The following DENND2B variants were observed in gnomAD, a reference collection of about 807,000 sequenced individuals.
The protein encoded by DENND2B is DENN domain containing 2B.
Under a neutral mutation model 116.0 loss-of-function variants are expected in DENND2B, and 32 were observed. The ratio of observed to expected loss-of-function variants is 0.28; its 90% CI spans 0.21 to 0.37. The LOEUF is 0.37. Among genes scored for constraint, DENND2B ranks in the 10% least tolerant of loss-of-function variants. DENND2B has a pLI of 1.00. For missense variants in DENND2B, 1,276 were observed against 1,477.7 expected (o/e 0.86, Z 2.24); for synonymous variants, 588 against 583.9 (o/e 1.01, Z -0.10).
chr11:8,727,204 C>CCT (rs2047221320), intron 3 of DENND2B, among the ~76,000 whole-genome samples: 1 of 152,188 alleles, frequency 6.6e-6, no homozygotes, highest in Admixed American at 6.6e-5. Flanking sequence ...CCCATGAACA[C>CCT]CTCCCTCTTC....
At chr11:8,774,028 CTTCAGT>C (rs2057299398) in intron 1 of DENND2B, 1 of 862,812 alleles carries the variant, frequency 1.2e-6, no homozygotes, top group African/African-American at 1.8e-5. Flanking sequence ...CCTCTGTAAG[CTTCAGT>C]TTTCTCATCT....
Position 8,715,719 on chromosome 11 carries a change from C to T in DENND2B, c.1729G>A (p.Asp577Asn), listed in dbSNP as rs151201057. The T allele has an allele frequency of 1.4e-5, 23 of 1,614,096 alleles. No homozygotes were observed. Among genetic ancestry groups the T allele is most frequent in the South Asian group, 2.2e-5 (2 of 91,080 alleles). Residue 577 changes from aspartate to asparagine, a missense_variant, in exon 6 of 20, where the codon GAC becomes AAC. By Grantham distance (23) the Asp-to-Asn change is conservative (BLOSUM62 1). Around this residue, in one of 2 missense-constraint regions of DENND2B, gnomAD observed 856 missense variants for 846.6 expected, o/e 1.01. Transcript: ENST00000313726. ...CTCAGCTGAGCCAGCAGCAGCATGT[C>T]GTCATGGCTGTGCCTCTTGGGTAAT... ...PRLPKRHSHD[D>N]MLLLAQLSLP... is the part of the protein sequence containing the mutation.
At chr11:8,847,363 G>A (rs968391960) in intron 3 of DENND2B, among the ~76,000 whole-genome samples, 21 of 152,084 alleles carry the variant, frequency 1.4e-4, no homozygotes, top group African/African-American at 4.8e-4. Flanking sequence ...AATTACACTC[G>A]CCATTACAAA....
upstream of DENND2B, among the ~76,000 whole-genome samples, chr11:8,873,318 G>A (rs1317643153): frequency 6.6e-6 from 1 of 152,202 alleles, no homozygotes; most frequent in African/African-American, 2.4e-5. Flanking sequence ...CAATGTAAGA[G>A]GGCAATAATT....
chr11:8,714,323 C>G (rs1294556707), intron 7 of DENND2B, among the ~76,000 whole-genome samples: 2 of 152,348 alleles, frequency 1.3e-5, no homozygotes, highest in South Asian at 4.1e-4. Context: ...AAAGATGGAC[C>G]CTGCCTCCAG....
At chr11:8,865,703 C>G (rs2063549830) in intron 2 of DENND2B, among the ~76,000 whole-genome samples, 2 of 145,332 alleles carry the variant, frequency 1.4e-5, no homozygotes, top group South Asian at 4.7e-4. Context: ...GATCATCAAT[C>G]TGGAAACCTT....
At position 8,730,772 on chromosome 11, in the gene DENND2B, C is replaced by T. The variant is rs984617029; in HGVS notation, c.518G>A (p.Gly173Asp). Residue 173 changes from glycine (G) to aspartate (D), a missense_variant, in exon 3 of 20, where the codon GGT becomes GAT. Physicochemically the swap from Gly to Asp is moderately conservative, Grantham distance 94. Coordinates refer to ENST00000313726, the MANE Select transcript of DENND2B (RefSeq NM_213618.2). The surrounding 1 kb of genome is among the most constrained non-coding windows in gnomAD (Gnocchi z 4.1). ...CATCCTGGGCGACGCCTCTCGGCGA[C>T]CTTCCCATGCTGATATCTTCTCCCG... is the stretch of plus-strand genomic sequence containing the variant. ...GIREKISAWE[G>D]RREASPRMSM... The T allele has an allele frequency of 1.2e-6, 2 of 1,612,634 alleles. No homozygotes were observed. Among genetic ancestry groups the T allele is most frequent in the Non-Finnish European group, 1.7e-6 (2 of 1,179,794 alleles).
At chr11:8,830,846 C>T (rs1416606327) in intron 4 of DENND2B, 3 of 152,198 alleles carry the variant, frequency 2.0e-5, no homozygotes, top group Non-Finnish European at 2.9e-5. Flanking sequence ...CTGATCCGCC[C>T]GTGTGATAGC....
At chr11:8,820,394 T>C (rs1175766187) in intron 4 of DENND2B, among the ~76,000 whole-genome samples, 1 of 152,224 alleles carries the variant, frequency 6.6e-6, no homozygotes, top group Non-Finnish European at 1.5e-5. Flanking sequence ...AGACTTTGAC[T>C]CAGTAGCCTC....
intron 1 of DENND2B, among the ~76,000 whole-genome samples, chr11:8,769,858 C>A (rs1029665764): frequency 6.6e-6 from 1 of 152,108 alleles, no homozygotes. Flanking sequence ...GGGCCAAGTG[C>A]GGTGGCTCAT....
chr11:8,791,486 C>G (rs2059371821), intron 1 of DENND2B, among the ~76,000 whole-genome samples: 1 of 152,024 alleles, frequency 6.6e-6, no homozygotes, highest in South Asian at 2.1e-4. Flanking sequence ...TTCTTTTAAG[C>G]CAGGCACAGT....
intron 1 of DENND2B, among the ~76,000 whole-genome samples, chr11:8,770,272 CA>C (rs986029203): frequency 1.4e-4 from 22 of 152,108 alleles, no homozygotes; most frequent in African/African-American, 4.8e-4. Flanking sequence ...GGATTAAATG[CA>C]AAAGGTATCT....
intron 2 of DENND2B, among the ~76,000 whole-genome samples, chr11:8,737,876 T>G (rs1189996793): frequency 6.6e-6 from 1 of 151,946 alleles, no homozygotes; most frequent in Admixed American, 6.6e-5. Context: ...GCCTCATGAA[T>G]AGCTGGGACT....
At chr11:8,746,814 T>C (rs146921387) in intron 2 of DENND2B, among the ~76,000 whole-genome samples, 125 of 152,248 alleles carry the variant, frequency 8.2e-4, no homozygotes, top group African/African-American at 2.7e-3. Flanking sequence ...GGAGTGCTCA[T>C]AGGAAGGGAA....
At position 8,810,651 on chromosome 11, in the gene DENND2B, C is replaced by G. The variant is rs990772355; in HGVS notation, c.-160G>C. ...CCCACAGCTCCTTCCTCTGACCTTT[C>G]GTGGCGCTCCTCGCAGCCAAGTGAG... On this transcript the variant is annotated 5_prime_UTR_variant, in exon 1 of 20. Transcript: ENST00000313726. The G allele has an allele frequency of 1.3e-5, 2 of 152,334 alleles. No homozygotes were observed. The highest frequency in any genetic ancestry group is 4.8e-5 in the African/African-American group (2 of 41,482). The allele number at this position is 152,334 out of a possible 1,614,324, so 9.4% of individuals were successfully genotyped here.
At chr11:8,802,902 G>A (rs1234487551) in intron 1 of DENND2B, among the ~76,000 whole-genome samples, 1 of 152,184 alleles carries the variant, frequency 6.6e-6, no homozygotes, top group Admixed American at 6.5e-5. Flanking sequence ...CAGCCTCCGA[G>A]TTCTGAGAAC....
intron 1 of DENND2B, among the ~76,000 whole-genome samples, chr11:8,755,673 A>G (rs2134079255): frequency 6.6e-6 from 1 of 152,324 alleles, no homozygotes; most frequent in South Asian, 2.1e-4. Flanking sequence ...TTTTTGGTAG[A>G]GATGGGGTTT....
At chr11:8,776,545 C>T (rs2057753271) in intron 1 of DENND2B, 1 of 269,536 alleles carries the variant, frequency 3.7e-6, no homozygotes, top group Admixed American at 4.9e-5. Flanking sequence ...AACCACCAGA[C>T]ATCGCAGGCA....
chr11:8,828,884 T>G (rs1297595350), intron 4 of DENND2B, among the ~76,000 whole-genome samples: 2 of 151,852 alleles, frequency 1.3e-5, no homozygotes, highest in Non-Finnish European at 2.9e-5. Context: ...GACAAGAAAC[T>G]GTGGAGGACA....
Sources: allele counts gnomAD v4.1 joint callset (sites outside exome capture counted in the v4.1 genomes callset), GRCh38; gene constraint gnomAD v4.1.1; regional missense constraint gnomAD v4.1.1; non-coding constraint Gnocchi (gnomAD v3.1); transcripts MANE v1.5; gene names NCBI Gene and HGNC (gene_info 2026-07-23, HGNC 2026-07-21).